Variants in CNTNAP3B observed in about 807,000 individuals in gnomAD.
CNTNAP3B encodes the protein contactin associated protein family member 3B.
Under a neutral mutation model 108.9 loss-of-function variants are expected in CNTNAP3B, and 25 were observed. That is an observed-to-expected ratio of 0.23 (90% confidence interval 0.17 to 0.32). The LOEUF is 0.32. Among genes scored for constraint, CNTNAP3B ranks in the 10% least tolerant of loss-of-function variants. CNTNAP3B has a pLI of 1.00. For synonymous variants in CNTNAP3B, 103 were observed against 473.4 expected (o/e 0.22, Z 10.16); for missense variants, 252 against 1,210.4 (o/e 0.21, Z 11.75).
At chr9:41,928,017 G>A (rs867335854) in intron 15 of CNTNAP3B, among the ~76,000 whole-genome samples, 5 of 151,074 alleles carry the variant, frequency 3.3e-5, no homozygotes, top group Admixed American at 1.3e-4. Context: ...AGAATATTTC[G>A]GTCAAAATAA....
intron 1 of CNTNAP3B, among the ~76,000 whole-genome samples, chr9:42,125,602 A>G (rs1971919): frequency 0.46 from 62,901 of 136,498 alleles, 19,194 homozygotes; most frequent in East Asian, 0.71. Flanking sequence ...GGGCTACTTC[A>G]GCTCCGTACT....
At chr9:42,089,751 G>T (rs1410684544) in intron 2 of CNTNAP3B, among the ~76,000 whole-genome samples, 2 of 146,524 alleles carry the variant, frequency 1.4e-5, no homozygotes, top group Non-Finnish European at 3.0e-5. Context: ...AGGAGTGGAG[G>T]GAAAAGATCC....
chr9:41,919,141 T>C (rs1823598141), intron 18 of CNTNAP3B, among the ~76,000 whole-genome samples: 1 of 152,138 alleles, frequency 6.6e-6, no homozygotes, highest in Non-Finnish European at 1.5e-5. Context: ...CCTTTTCTTT[T>C]TTTTTTTCCC....
intron 2 of CNTNAP3B, among the ~76,000 whole-genome samples, chr9:42,084,380 G>A (rs1252573761): frequency 2.9e-5 from 3 of 104,724 alleles, no homozygotes; most frequent in Non-Finnish European, 6.1e-5. Flanking sequence ...CCCTGAGGCT[G>A]ATGGCACGCC....
intron 13 of CNTNAP3B, among the ~76,000 whole-genome samples, chr9:41,945,456 G>C (rs1273604976): frequency 2.0e-5 from 3 of 152,300 alleles, no homozygotes; most frequent in African/African-American, 7.2e-5. Context: ...ATGAGTTCAT[G>C]TCCTTTGTAG....
intron 2 of CNTNAP3B, among the ~76,000 whole-genome samples, chr9:42,097,395 C>CT (rs1827924972): frequency 1.4e-5 from 2 of 139,622 alleles, no homozygotes; most frequent in Non-Finnish European, 1.5e-5. Context: ...AATAAAGATG[C>CT]TTTTTATATT....
chr9:42,003,116 T>C (rs948392107), intron 4 of CNTNAP3B, among the ~76,000 whole-genome samples: 3 of 138,484 alleles, frequency 2.2e-5, no homozygotes, highest in African/African-American at 8.5e-5. Context: ...CTTGAATTCC[T>C]GGGCTCAAGC....
At chr9:42,071,938 A>G (rs1827386373) in intron 3 of CNTNAP3B, among the ~76,000 whole-genome samples, 1 of 150,862 alleles carries the variant, frequency 6.6e-6, no homozygotes, top group Non-Finnish European at 1.5e-5. Flanking sequence ...AAGGATATGG[A>G]GATAATAAAC....
At chr9:41,925,883 G>A (rs1434122178) in intron 15 of CNTNAP3B, among the ~76,000 whole-genome samples, 5 of 152,252 alleles carry the variant, frequency 3.3e-5, no homozygotes, top group Admixed American at 1.3e-4. Flanking sequence ...TTTCTTCAAG[G>A]AGTCGTGGTT....
At chr9:41,947,888 A>G (rs1466552663) in intron 13 of CNTNAP3B, among the ~76,000 whole-genome samples, 6 of 152,228 alleles carry the variant, frequency 3.9e-5, no homozygotes, top group Non-Finnish European at 8.8e-5. Context: ...AATACTACAA[A>G]TAATTCTACA....
At chr9:41,926,974 C>T (rs1213205587) in intron 15 of CNTNAP3B, among the ~76,000 whole-genome samples, 3 of 152,428 alleles carry the variant, frequency 2.0e-5, no homozygotes, top group South Asian at 2.1e-4. Flanking sequence ...GAAAAAGCTA[C>T]AAATTTCCAG....
At chr9:42,118,581 A>G (rs1374023806) in intron 1 of CNTNAP3B, among the ~76,000 whole-genome samples, 4 of 125,372 alleles carry the variant, frequency 3.2e-5, no homozygotes, top group African/African-American at 6.5e-5. Context: ...TACTGAATGG[A>G]CAAAAACTGG....
At chr9:42,120,154 A>G (rs1484895078) in intron 1 of CNTNAP3B, among the ~76,000 whole-genome samples, 1 of 148,608 alleles carries the variant, frequency 6.7e-6, no homozygotes, top group African/African-American at 2.5e-5. Flanking sequence ...TCCCATCAAA[A>G]AGTGAGCAAA....
intron 8 of CNTNAP3B, among the ~76,000 whole-genome samples, chr9:41,990,100 A>G (rs62556361): frequency 0.91 from 107,377 of 118,196 alleles, 49,455 homozygotes; most frequent in East Asian, 0.95. Context: ...TCACATTAGC[A>G]ATTGCCTGAA....
intron 12 of CNTNAP3B, among the ~76,000 whole-genome samples, chr9:41,955,980 A>C (rs910255272): frequency 6.6e-6 from 1 of 152,250 alleles, no homozygotes; most frequent in African/African-American, 2.4e-5. Flanking sequence ...AGAACACTTA[A>C]ATCAGCCCAC....
At chr9:41,947,919 G>A (rs1168903337) in intron 13 of CNTNAP3B, among the ~76,000 whole-genome samples, 1 of 151,868 alleles carries the variant, frequency 6.6e-6, no homozygotes, top group Non-Finnish European at 1.5e-5. Context: ...TGACAATTCA[G>A]ATTAATGGAC....
At chr9:42,107,628 C>T (rs1465910627) in intron 1 of CNTNAP3B, among the ~76,000 whole-genome samples, 2 of 128,936 alleles carry the variant, frequency 1.6e-5, no homozygotes, top group Non-Finnish European at 3.2e-5. Flanking sequence ...GCCAAAGAGT[C>T]ACCTTGTAAT....
At position 42,061,992 on chromosome 9, in the gene CNTNAP3B, G is replaced by A. The variant is rs1255187518; in HGVS notation, c.390+14877C>T. Reference sequence around the variant, plus strand: ...TATATATTCAGATATTCCATCATTTGGTGCACACATATTTACAACTGTTAC... The same window carrying A: ...TATATATTCAGATATTCCATCATTTAGTGCACACATATTTACAACTGTTAC... On this transcript the variant is annotated intron_variant, in intron 3 of 23. Coordinates refer to ENST00000377561, the MANE Select transcript of CNTNAP3B (RefSeq NM_001201380.3). Among the ~76,000 whole-genome samples, 2 of 87,078 alleles carry A rather than the reference G, an allele frequency of 2.3e-5. 1 individual carries two copies. The highest frequency in any genetic ancestry group is 8.4e-5 in the African/African-American group (2 of 23,724). 57.1% of individuals were successfully genotyped at this position (87,078 alleles called of 152,430 possible).
rs1188597303 is a variant in CNTNAP3B at position 41,964,776 on chromosome 9, C to T, written c.1650-132G>A. The T allele has an allele frequency of 2.4e-5, 27 of 1,110,204 alleles. 1 individual carries two copies. The highest frequency in any genetic ancestry group is 2.6e-5 in the Non-Finnish European group (21 of 799,496). 68.8% of individuals were successfully genotyped at this position (1,110,204 alleles called of 1,614,324 possible). Reference sequence around the variant, plus strand: ...CCACATGACGTGATTACTGGGTCTGCCATCAAGGTTCTCTAATTATATTGA... The same window carrying T: ...CCACATGACGTGATTACTGGGTCTGTCATCAAGGTTCTCTAATTATATTGA... On this transcript the variant is annotated intron_variant, in intron 10 of 23. Coordinates refer to ENST00000377561, the MANE Select transcript of CNTNAP3B (RefSeq NM_001201380.3).
Sources: allele counts gnomAD v4.1 joint callset (sites outside exome capture counted in the v4.1 genomes callset), GRCh38; gene constraint gnomAD v4.1.1; transcripts MANE v1.5; gene names NCBI Gene and HGNC (gene_info 2026-07-23, HGNC 2026-07-21).